RBM19: variants seen among roughly 807,000 people sequenced by gnomAD.
RBM19 encodes the protein probable RNA-binding protein 19.
Under a neutral mutation model 116.8 loss-of-function variants are expected in RBM19, and 94 were observed. That is an observed-to-expected ratio of 0.80 (90% CI 0.68 to 0.95). The LOEUF (loss-of-function observed/expected upper bound fraction) is 0.95, where lower values mean the gene tolerates loss of function less well. RBM19 is among the 40% of genes least tolerant of loss of function. The pLI is 0.00. For missense variants in RBM19, 1,161 were observed against 1,220.7 expected, an observed-to-expected ratio of 0.95 and a Z score of 0.73; for synonymous variants, 475 against 494.1, an observed-to-expected ratio of 0.96 and a Z score of 0.51.
chr12:113,946,302 G>A, intron 12 of RBM19, 52 bp downstream of exon 12: 1 of 1,612,822 alleles, frequency 6.2e-7, no homozygotes, highest in Non-Finnish European at 8.5e-7. Flanking sequence ...GGCAGGGTGA[G>A]GGTGGCAGAG....
chr12:113,839,727 C>A (rs1876298136), intron 23 of RBM19, among the ~76,000 whole-genome samples: 1 of 152,202 alleles, frequency 6.6e-6, no homozygotes, highest in African/African-American at 2.4e-5. Context: ...TGATCACTGT[C>A]AAATCAATGC....
chr12:113,882,154 G>A (rs1016160100), intron 21 of RBM19, among the ~76,000 whole-genome samples: 18 of 152,258 alleles, frequency 1.2e-4, no homozygotes, highest in African/African-American at 4.3e-4. Flanking sequence ...AGGACACAGT[G>A]AAGGGCAGGT....
At chr12:113,922,565 C>T (rs1868679277) in intron 18 of RBM19, among the ~76,000 whole-genome samples, 2 of 152,016 alleles carry the variant, frequency 1.3e-5, no homozygotes, top group African/African-American at 4.8e-5. Flanking sequence ...ACCTGCTGGC[C>T]TGGGTGCACC....
At chr12:113,906,420 T>C (rs1882048595) in intron 21 of RBM19, among the ~76,000 whole-genome samples, 1 of 152,128 alleles carries the variant, frequency 6.6e-6, no homozygotes, top group African/African-American at 2.4e-5. Context: ...CACTAATATA[T>C]GTTTTTCGAA....
intron 19 of RBM19, among the ~76,000 whole-genome samples, chr12:113,919,997 C>T (rs905448128): frequency 6.6e-6 from 1 of 152,178 alleles, no homozygotes; most frequent in Non-Finnish European, 1.5e-5. Context: ...CTCTCCTCAT[C>T]CTGCACCCTG....
chr12:113,892,065 A>T (rs1880999302), intron 21 of RBM19, among the ~76,000 whole-genome samples: 1 of 152,128 alleles, frequency 6.6e-6, no homozygotes, highest in Non-Finnish European at 1.5e-5. Context: ...GGTGTAACTT[A>T]CTCTGTGAGC....
Position 113,937,116 on chromosome 12 carries a change from A to C in RBM19, c.1959T>G (p.Tyr653Ter). 6.2e-7 allele frequency: 1 copy of C among 1,614,006 alleles called. No homozygotes were observed. The highest frequency in any genetic ancestry group is 1.1e-5 in the South Asian group (1 of 91,082). ...AYSKFHHVPL[Y>*]LEWAPVGVFS... Reference sequence around the variant, plus strand: ...AGACGCCAACTGGAGCCCACTCCAGATAGAGGGGGACATGATGGAACTGCA... The same window carrying C: ...AGACGCCAACTGGAGCCCACTCCAGCTAGAGGGGGACATGATGGAACTGCA... Residue 653 changes from tyrosine to a stop codon, truncating the protein, a stop_gained, in exon 16 of 24, where the codon TAT (tyrosine) becomes TAG (stop). Coordinates refer to ENST00000261741, the MANE Select transcript of RBM19 (RefSeq NM_016196.4). LOFTEE classifies it high-confidence loss of function.
intron 7 of RBM19, 97 bp from the exon 8 acceptor site, chr12:113,952,687 A>G (rs999006254): frequency 3.2e-6 from 3 of 943,820 alleles, no homozygotes; most frequent in African/African-American, 1.6e-5. Context: ...AAAGGATTAC[A>G]AAGTGTTTCA....
At chr12:113,862,453 GA>G (rs199823885) in intron 21 of RBM19, among the ~76,000 whole-genome samples, 3,120 of 150,160 alleles carry the variant, frequency 0.021, 45 homozygotes, top group Non-Finnish European at 0.033. Context: ...GAATTAAAAA[GA>G]AAAAAAAAGG....
At chr12:113,910,784 T>A (rs1041537618) in intron 21 of RBM19, among the ~76,000 whole-genome samples, 1 of 151,990 alleles carries the variant, frequency 6.6e-6, no homozygotes, top group African/African-American at 2.4e-5. Flanking sequence ...GCTCTGTTTT[T>A]AACACCACTT....
At chr12:113,917,295 A>T (rs1029594503) in intron 20 of RBM19, among the ~76,000 whole-genome samples, 5 of 152,238 alleles carry the variant, frequency 3.3e-5, no homozygotes, top group African/African-American at 1.2e-4. Context: ...TGGGCACTGC[A>T]AGTGCTGGAT....
In RBM19 at chr12:113,849,175, G is replaced by A. The variant is rs144421127; in HGVS notation, c.2665-4387C>T. Among the ~76,000 whole-genome samples, 738 of 152,300 alleles carry A rather than the reference G, an allele frequency of 4.8e-3. 10 individuals are homozygous for A. Among genetic ancestry groups the A allele is most frequent in the Middle Eastern group, 0.017 (5 of 294 alleles). On this transcript the variant is annotated intron_variant, in intron 22 of 23. Coordinates refer to ENST00000261741, the MANE Select transcript of RBM19 (RefSeq NM_016196.4). ...CCTGTGCCCTGGACACCTGGCCTCC[G>A]TTTCCAGAACCTGCTCCCTGCCCCA...
chr12:113,832,480 A>G (rs1875514217), intron 23 of RBM19, among the ~76,000 whole-genome samples: 1 of 152,186 alleles, frequency 6.6e-6, no homozygotes. Context: ...ATGAGCCGCC[A>G]CTTTTGGCTG....
At chr12:113,947,278 C>G in intron 11 of RBM19, 56 bp downstream of exon 11, 2 of 1,530,374 alleles carry the variant, frequency 1.3e-6, no homozygotes, top group Non-Finnish European at 8.9e-7. Flanking sequence ...ACACACCAGC[C>G]TTTCCCGACC....
intron 8 of RBM19, 70 bp from the exon 9 acceptor site, chr12:113,950,224 C>G (rs1332122325): frequency 3.1e-6 from 4 of 1,280,864 alleles, no homozygotes; most frequent in Non-Finnish European, 4.5e-6. Flanking sequence ...CCCAGAGGAA[C>G]ACCCATACTG....
chr12:113,840,502 A>G (rs975405978), intron 23 of RBM19, among the ~76,000 whole-genome samples: 2 of 152,210 alleles, frequency 1.3e-5, no homozygotes, highest in Non-Finnish European at 2.9e-5. Context: ...CACACTGGAC[A>G]TTCTCTGTCT....
intron 21 of RBM19, among the ~76,000 whole-genome samples, chr12:113,881,808 T>G (rs999599059): frequency 1.3e-5 from 2 of 152,230 alleles, no homozygotes; most frequent in Non-Finnish European, 2.9e-5. Flanking sequence ...GAAAACCACA[T>G]GTTGCTTCCT....
At chr12:113,878,784 T>C (rs1180648805) in intron 21 of RBM19, among the ~76,000 whole-genome samples, 2 of 121,574 alleles carry the variant, frequency 1.6e-5, no homozygotes, top group African/African-American at 3.2e-5. Flanking sequence ...AGCCAAGGCA[T>C]GCAACTGAGT....
chr12:113,871,738 A>G (rs554509589), intron 21 of RBM19, among the ~76,000 whole-genome samples: 3 of 152,332 alleles, frequency 2.0e-5, no homozygotes, highest in South Asian at 2.1e-4. Flanking sequence ...AGATCTGACC[A>G]GTGTCCCCAG....
Sources: gnomAD v4.1 joint callset for allele counts (sites outside exome capture counted in the v4.1 genomes callset) on GRCh38, gnomAD v4.1.1 for gene constraint, MANE v1.5 for transcripts, NCBI Gene and HGNC (gene_info 2026-07-23, HGNC 2026-07-21) for gene names.